The following MAP4K4 variants were observed in gnomAD, a reference collection of about 807,000 sequenced individuals.
MAP4K4 encodes mitogen-activated protein kinase kinase kinase kinase 4.
MAP4K4 carries 38 observed loss-of-function variants against 189.6 expected under a neutral mutation model. The ratio of observed to expected loss-of-function variants is 0.20; its 90% CI spans 0.15 to 0.26. MAP4K4 has a LOEUF of 0.26. Among genes scored for constraint, MAP4K4 ranks in the 10% least tolerant of loss-of-function variants. The probability of loss-of-function intolerance (pLI) is 1.00; values close to 1 mark genes in which losing one functional copy is unlikely to be tolerated. For missense variants in MAP4K4, 1,054 were observed against 1,726.9 expected (o/e 0.61, Z 6.91); for synonymous variants, 610 against 624.3 (o/e 0.98, Z 0.34).
intron 3 of MAP4K4, among the ~76,000 whole-genome samples, chr2:101,791,443 G>A (rs11904718): frequency 0.066 from 10,072 of 151,940 alleles, 420 homozygotes; most frequent in African/African-American, 0.12. Flanking sequence ...TTTAAAAATA[G>A]TAATATATTA....
chr2:101,820,443 GT>G (rs1416981841), intron 3 of MAP4K4, among the ~76,000 whole-genome samples: 1 of 152,120 alleles, frequency 6.6e-6, no homozygotes, highest in Non-Finnish European at 1.5e-5. Flanking sequence ...ATTCATTGTT[GT>G]TTTGTTTTTG....
intron 2 of MAP4K4, among the ~76,000 whole-genome samples, chr2:101,727,031 A>G (rs1449565524): frequency 6.6e-6 from 1 of 152,176 alleles, no homozygotes; most frequent in Non-Finnish European, 1.5e-5. Flanking sequence ...TCCCACTCCC[A>G]TGATAACCTA....
chr2:101,705,621 AGTTTTT>A (rs1000975020), intron 2 of MAP4K4, among the ~76,000 whole-genome samples: 7 of 152,194 alleles, frequency 4.6e-5, no homozygotes, highest in African/African-American at 1.7e-4. Context: ...TTGCTGTAAA[AGTTTTT>A]GTTTTTGTTT....
intron 24 of MAP4K4, among the ~76,000 whole-genome samples, 166 bp from the exon 25 acceptor site, chr2:101,873,481 T>A (rs2098114305): frequency 6.6e-6 from 1 of 152,188 alleles, no homozygotes; most frequent in South Asian, 2.1e-4. Context: ...AGGGGTGCTA[T>A]GCCACGTGGA....
exon 25 of MAP4K4, chr2:101,873,724 A>ACAGATTTCT: frequency 6.2e-7 from 1 of 1,612,784 alleles, no homozygotes; most frequent in Non-Finnish European, 8.5e-7. Flanking sequence ...CCAGATTACT[A>ACAGATTTCT]CAGATTTCTC....
chr2:101,831,933 C>A, intron 7 of MAP4K4, 82 bp downstream of exon 7: 1 of 1,470,974 alleles, frequency 6.8e-7, no homozygotes, highest in East Asian at 2.4e-5. Flanking sequence ...AATTGCACAC[C>A]CCTTGTCTGC....
At chr2:101,874,856 C>T (rs114840973) in intron 26 of MAP4K4, among the ~76,000 whole-genome samples, 214 of 152,300 alleles carry the variant, frequency 1.4e-3, no homozygotes, top group African/African-American at 4.9e-3. Context: ...GTAAGTGCCA[C>T]AATACCTGCA....
At chr2:101,755,929 C>CTTTTTTTTTTTTT (rs57392183) in intron 2 of MAP4K4, among the ~76,000 whole-genome samples, 3 of 57,794 alleles carry the variant, frequency 5.2e-5, no homozygotes, top group Non-Finnish European at 9.3e-5. Context: ...AGTTCTTTTT[C>CTTTTTTTTTTTTT]TTTTTTTTTT....
chr2:101,780,956 C>T (rs899775957), intron 2 of MAP4K4, among the ~76,000 whole-genome samples: 6 of 151,984 alleles, frequency 3.9e-5, no homozygotes, highest in African/African-American at 1.4e-4. Flanking sequence ...ATTTTTCTTG[C>T]TATTAAACAA....
intron 23 of MAP4K4, among the ~76,000 whole-genome samples, chr2:101,871,221 G>T (rs1170896312): frequency 1.3e-5 from 2 of 152,140 alleles, no homozygotes; most frequent in Non-Finnish European, 2.9e-5. Flanking sequence ...AAAGGATACT[G>T]GTTTTGGTAA....
At chr2:101,876,931 A>T in intron 26 of MAP4K4, 72 bp from the exon 27 acceptor site, 1 of 1,491,384 alleles carries the variant, frequency 6.7e-7, no homozygotes, top group Non-Finnish European at 9.2e-7. Context: ...AGATGATGTT[A>T]TCCTTTCTAT....
intron 2 of MAP4K4, among the ~76,000 whole-genome samples, chr2:101,760,534 G>A (rs867476591): frequency 0.02 from 2,435 of 124,062 alleles, 70 homozygotes; most frequent in African/African-American, 0.096. Flanking sequence ...GTATATATGT[G>A]TGTGTGTGTG....
chr2:101,744,587 C>T (rs2149818904), intron 2 of MAP4K4, among the ~76,000 whole-genome samples: 1 of 152,114 alleles, frequency 6.6e-6, no homozygotes, highest in Non-Finnish European at 1.5e-5. Context: ...GTGGTCTTCT[C>T]CTTGGGTTGG....
chr2:101,865,099 C>G (rs1449728659), intron 18 of MAP4K4, 63 bp downstream of exon 18: 9 of 1,016,898 alleles, frequency 8.9e-6, no homozygotes, highest in Non-Finnish European at 1.3e-5. Flanking sequence ...CTTACATTGT[C>G]TGTTTCATAA....
chr2:101,863,535 G>C (rs537895081), intron 16 of MAP4K4, among the ~76,000 whole-genome samples: 172 of 149,614 alleles, frequency 1.1e-3, no homozygotes, highest in South Asian at 0.011. Context: ...TCTTTGTGGG[G>C]AAAAAAAAAA....
intron 12 of MAP4K4, among the ~76,000 whole-genome samples, chr2:101,845,562 ATGTTAC>A (rs1285831262): frequency 1.3e-5 from 2 of 152,188 alleles, no homozygotes; most frequent in Non-Finnish European, 2.9e-5. Context: ...CCTGTACAGC[ATGTTAC>A]TGTGCCTTAT....
intron 24 of MAP4K4, among the ~76,000 whole-genome samples, chr2:101,872,646 C>T (rs771453643): frequency 5.3e-5 from 8 of 152,248 alleles, no homozygotes; most frequent in Middle Eastern, 3.4e-3. Context: ...GGCTTGGCAT[C>T]GGCTAGACTG....
chr2:101,887,394 G>A, intron 30 of MAP4K4, 157 bp downstream of exon 30: 1 of 703,454 alleles, frequency 1.4e-6, no homozygotes, highest in South Asian at 2.3e-5. Context: ...ATAGCTCCAT[G>A]CTCTTAGACA....
chr2:101,813,461 C>T (rs1006616692), intron 3 of MAP4K4, among the ~76,000 whole-genome samples: 8 of 152,160 alleles, frequency 5.3e-5, no homozygotes, highest in African/African-American at 1.9e-4. Context: ...GTCTTAGCAG[C>T]TGTTCGTATT....
Sources: gnomAD v4.1 joint callset for allele counts (sites outside exome capture counted in the v4.1 genomes callset) on GRCh38, gnomAD v4.1.1 for gene constraint, MANE v1.5 for transcripts, NCBI Gene and HGNC (gene_info 2026-07-23, HGNC 2026-07-21) for gene names.